The following COMMD10 variants were observed in gnomAD, a reference collection of about 807,000 sequenced individuals.
COMMD10 encodes the protein COMM domain-containing protein 10.
In COMMD10, 33 loss-of-function variants were observed where a neutral mutation model predicts 28.9. The ratio of observed to expected loss-of-function variants is 1.14; its 90% CI spans 0.87 to 1.53. The LOEUF (loss-of-function observed/expected upper bound fraction) is 1.53. Ranked by LOEUF, COMMD10 falls within the 40% of genes most tolerant of loss-of-function variation. The pLI is 0.00. For synonymous variants in COMMD10, 110 were observed against 81.7 expected, an observed-to-expected ratio of 1.35 and a Z score of -1.87; for missense variants, 310 against 233.4, an observed-to-expected ratio of 1.33 and a Z score of -2.14.
chr5:116,136,503 G>A (rs1196936905), intron 5 of COMMD10, among the ~76,000 whole-genome samples: 2 of 152,208 alleles, frequency 1.3e-5, no homozygotes, highest in East Asian at 1.9e-4. Context: ...TAAGCATCAT[G>A]AGTTCAGCAA....
intron 5 of COMMD10, among the ~76,000 whole-genome samples, chr5:116,236,903 G>T (rs1199035120): frequency 2.6e-5 from 4 of 152,046 alleles, no homozygotes; most frequent in African/African-American, 9.7e-5. Flanking sequence ...GGGGTTATAT[G>T]GGAAATTTTT....
At chr5:116,278,822 TTA>T (rs1750987317) in intron 5 of COMMD10, among the ~76,000 whole-genome samples, 4 of 151,830 alleles carry the variant, frequency 2.6e-5, no homozygotes, top group Non-Finnish European at 4.4e-5. Context: ...GAATAAATAC[TTA>T]GAGTGTAATT....
At chr5:116,292,398 T>C (rs914607947) in intron 6 of COMMD10, 53 bp from the exon 7 acceptor site, 15 of 1,261,046 alleles carry the variant, frequency 1.2e-5, no homozygotes, top group East Asian at 4.9e-5. Flanking sequence ...ACACTTGATA[T>C]GAGTTTCGTT....
At chr5:116,089,680 G>A (rs745633022) in intron 2 of COMMD10, among the ~76,000 whole-genome samples, 7 of 152,240 alleles carry the variant, frequency 4.6e-5, no homozygotes, top group Non-Finnish European at 7.3e-5. Context: ...TGCCATCAGA[G>A]GTAGGGGAGT....
At chr5:116,087,123 T>C (rs1750128921) in intron 1 of COMMD10, among the ~76,000 whole-genome samples, 1 of 152,246 alleles carries the variant, frequency 6.6e-6, no homozygotes, top group Admixed American at 6.5e-5. Flanking sequence ...GTTTTTGGTG[T>C]AATTGCCATA....
intron 5 of COMMD10, among the ~76,000 whole-genome samples, chr5:116,223,711 ACT>A (rs1749322116): frequency 6.6e-6 from 1 of 152,052 alleles, no homozygotes; most frequent in South Asian, 2.1e-4. Flanking sequence ...ATGTTCAAAA[ACT>A]CTGAAGCGAC....
intron 5 of COMMD10, among the ~76,000 whole-genome samples, chr5:116,232,188 T>C (rs1749545314): frequency 1.3e-5 from 2 of 152,172 alleles, no homozygotes; most frequent in Non-Finnish European, 2.9e-5. Context: ...TTTGGGTTTA[T>C]TGTTTATCCA....
intron 5 of COMMD10, among the ~76,000 whole-genome samples, chr5:116,215,717 T>C (rs1749081015): frequency 6.9e-6 from 1 of 145,950 alleles, no homozygotes; most frequent in Non-Finnish European, 1.5e-5. Context: ...TATATATATA[T>C]ATATATATAT....
At chr5:116,143,093 G>A (rs1241264514) in intron 5 of COMMD10, among the ~76,000 whole-genome samples, 1 of 64,518 alleles carries the variant, frequency 1.5e-5, no homozygotes, top group Admixed American at 1.5e-4. Flanking sequence ...TTTTGGTTTT[G>A]TGGTCAACAT....
At chr5:116,120,723 T>G (rs1241495330) in intron 4 of COMMD10, among the ~76,000 whole-genome samples, 1 of 146,136 alleles carries the variant, frequency 6.8e-6, no homozygotes, top group Non-Finnish European at 1.5e-5. Flanking sequence ...ATTTTGAGAC[T>G]GATCATTTTG....
chr5:116,086,528 G>T (rs1048319019), intron 1 of COMMD10, among the ~76,000 whole-genome samples: 1 of 151,772 alleles, frequency 6.6e-6, no homozygotes, highest in South Asian at 2.1e-4. Context: ...GCGCCATCTC[G>T]GCTCACTGCA....
intron 5 of COMMD10, among the ~76,000 whole-genome samples, chr5:116,256,567 G>C (rs560124001): frequency 6.6e-6 from 1 of 151,620 alleles, no homozygotes; most frequent in African/African-American, 2.4e-5. Flanking sequence ...TTTGGCATTT[G>C]AAACAGTATA....
chr5:116,243,245 G>C (rs1749858913), intron 5 of COMMD10, among the ~76,000 whole-genome samples: 1 of 152,120 alleles, frequency 6.6e-6, no homozygotes, highest in Non-Finnish European at 1.5e-5. Flanking sequence ...AAGACCACCA[G>C]ACTACAGTTA....
intron 4 of COMMD10, among the ~76,000 whole-genome samples, chr5:116,118,848 A>G (rs1164589019): frequency 6.6e-6 from 1 of 152,236 alleles, no homozygotes; most frequent in Non-Finnish European, 1.5e-5. Flanking sequence ...TTTGAAACAG[A>G]ATGTATTTCT....
intron 5 of COMMD10, among the ~76,000 whole-genome samples, chr5:116,276,809 A>G (rs1158660908): frequency 1.3e-5 from 2 of 151,824 alleles, no homozygotes; most frequent in African/African-American, 2.4e-5. Context: ...TTCCAGAGTA[A>G]GCAAATCTGT....
chr5:116,151,747 T>C (rs1752535978), intron 5 of COMMD10, among the ~76,000 whole-genome samples: 1 of 152,184 alleles, frequency 6.6e-6, no homozygotes, highest in Non-Finnish European at 1.5e-5. Flanking sequence ...TCTTCTCTCT[T>C]TTCTTCTTTA....
chr5:116,253,307 G>T (rs1340385822), intron 5 of COMMD10, among the ~76,000 whole-genome samples: 2 of 139,518 alleles, frequency 1.4e-5, no homozygotes, highest in East Asian at 2.1e-4. Flanking sequence ...CTGCCTAATT[G>T]CCCTGGCCAG....
chr5:116,169,922 C>G (rs1580514987), intron 5 of COMMD10, among the ~76,000 whole-genome samples: 5 of 152,050 alleles, frequency 3.3e-5, no homozygotes, highest in Admixed American at 3.3e-4. Context: ...TCTTTGAAAA[C>G]CGGCAGAAGA....
intron 4 of COMMD10, 82 bp downstream of exon 4, chr5:116,092,782 A>G (rs1255955929): frequency 3.9e-5 from 42 of 1,086,906 alleles, no homozygotes. Context: ...TAAAGTGATA[A>G]TATTTTGTTG....
Sources: gnomAD v4.1 joint callset for allele counts (sites outside exome capture counted in the v4.1 genomes callset) on GRCh38, gnomAD v4.1.1 for gene constraint, MANE v1.5 for transcripts, NCBI Gene and HGNC (gene_info 2026-07-23, HGNC 2026-07-21) for gene names.